Variants in TLE2 observed in about 807,000 individuals in gnomAD.
TLE2 encodes the protein transducin-like enhancer protein 2.
A neutral mutation model predicts 97.2 loss-of-function variants in TLE2; 74 were observed. That is an observed-to-expected ratio of 0.76 (90% CI 0.63 to 0.92). The LOEUF (loss-of-function observed/expected upper bound fraction) is 0.92, where lower values mean the gene tolerates loss of function less well. TLE2 is among the 40% of genes least tolerant of loss of function. The pLI is 0.00. For synonymous variants in TLE2, 499 were observed against 432.1 expected, an observed-to-expected ratio of 1.15 and a Z score of -1.92; for missense variants, 1,038 against 1,008.7, an observed-to-expected ratio of 1.03 and a Z score of -0.39.
intron 8 of TLE2, among the ~76,000 whole-genome samples, chr19:3,017,441 TTTC>T (rs1270644826): frequency 1.1e-4 from 14 of 128,082 alleles, no homozygotes; most frequent in Non-Finnish European, 1.6e-4. Flanking sequence ...GGTTTTTTTT[TTTC>T]TTTCTTTCTT....
chr19:3,005,484 C>T lies in TLE2; in HGVS notation c.1849G>A (p.Asp617Asn). 1.9e-6 allele frequency: 3 copies of T among 1,613,852 alleles called. No individual in the cohort carries two copies. Among genetic ancestry groups the T allele is most frequent in the East Asian group, 2.2e-5 (1 of 44,884 alleles). The change falls in exon 17 of 20, where the codon GAC (aspartate) becomes AAC (asparagine). Residue 617 changes from aspartate (D) to asparagine (N), a missense_variant. Physicochemically the swap from Asp to Asn is conservative, Grantham distance 23. Transcript: ENST00000262953. ...TGCAGCTGGCGGCCCTCCCGCAGGT[C>T]CCAGCAGCGCACCGTGTTGTCCAGG... ...GGLDNTVRCWDLREGRQLQQH... is the reference protein window; with the variant it reads ...GGLDNTVRCWNLREGRQLQQH...
upstream of TLE2, among the ~76,000 whole-genome samples, chr19:3,047,407 T>C (rs1375035684): frequency 3.0e-5 from 3 of 100,980 alleles, no homozygotes; most frequent in African/African-American, 1.2e-4. Flanking sequence ...CCCCAAACCC[T>C]GCGGGGGCCT....
Position 3,019,351 on chromosome 19 carries a change from G to T in TLE2, c.482C>A (p.Ala161Asp), listed in dbSNP as rs760148646. 1 of 1,566,070 alleles carries T rather than the reference G, an allele frequency of 6.4e-7. No homozygotes were observed. The highest frequency in any genetic ancestry group is 1.8e-5 in the Admixed American group (1 of 55,264). Reference protein sequence around the residue: ...TGLLALSGALAAQAQLAAAVK... With the variant: ...TGLLALSGALDAQAQLAAAVK... Reference sequence around the variant, plus strand: ...AGCCGCCGCCAGCTGAGCCTGGGCAGCCAGGGCTCCAGACAGAGCAAGCAG... The same window carrying T: ...AGCCGCCGCCAGCTGAGCCTGGGCATCCAGGGCTCCAGACAGAGCAAGCAG... Residue 161 changes from alanine to aspartate, a missense_variant, in exon 7 of 20, where the codon GCT becomes GAT. Ala to Asp is a moderately radical substitution (Grantham distance 126). Transcript: ENST00000262953. This position sits in a 1 kb window ranked among gnomAD's most constrained non-coding sequence, Gnocchi z 5.1.
Position 3,028,986 on chromosome 19 carries a change from G to C in TLE2, c.-82C>G. The C allele has an allele frequency of 6.4e-7, 1 of 1,558,438 alleles. No homozygotes were observed. Among genetic ancestry groups the C allele is most frequent in the South Asian group, 1.2e-5 (1 of 83,798 alleles). On this transcript the variant is annotated 5_prime_UTR_variant, in exon 1 of 20. Coordinates refer to ENST00000262953, the MANE Select transcript of TLE2 (RefSeq NM_003260.5). Reference sequence around the variant, plus strand: ...CAAGAGTGGGGGAGGCTGAAGTGGGGTGGTGGGGAGGCTGCCCGAAGAAAG... The same window carrying C: ...CAAGAGTGGGGGAGGCTGAAGTGGGCTGGTGGGGAGGCTGCCCGAAGAAAG...
Position 3,009,702 on chromosome 19 carries a change from G to T in TLE2, c.1013C>A (p.Ala338Asp), listed in dbSNP as rs1248710537. 1.2e-6 allele frequency: 2 copies of T among 1,609,444 alleles called. No individual in the cohort carries two copies. Among genetic ancestry groups the T allele is most frequent in the East Asian group, 4.5e-5 (2 of 44,802 alleles). Residue 338 changes from alanine to aspartate, a missense_variant and splice_region_variant, in exon 13 of 20, where the codon GCC (alanine) becomes GAC (aspartate). Coordinates refer to ENST00000262953, the MANE Select transcript of TLE2 (RefSeq NM_003260.5). ...AKPAPSTDSV[A>D]LRSPLTLSSP... The stretch of plus-strand genomic sequence containing the variant: ...GGACAGAGTCAGGGGGCTCCTCAGG[G>T]CTGAGACGGAAGAGTCGGGGACAGG...
intron 1 of TLE2, among the ~76,000 whole-genome samples, chr19:3,037,596 G>A (rs567684061): frequency 2.2e-4 from 34 of 152,172 alleles, no homozygotes; most frequent in Non-Finnish European, 3.1e-4. Flanking sequence ...AAGTCACAGT[G>A]GGTTCTGACC....
intron 4 of TLE2, among the ~76,000 whole-genome samples, chr19:3,026,362 C>T (rs1054714375): frequency 1.9e-4 from 29 of 150,422 alleles, no homozygotes; most frequent in African/African-American, 6.1e-4. Context: ...GCAGGAGAGG[C>T]GCTTGCACTC....
chr19:3,010,837 C>A (rs960998377), intron 12 of TLE2, among the ~76,000 whole-genome samples, 185 bp downstream of exon 12: 2 of 152,176 alleles, frequency 1.3e-5, no homozygotes, highest in African/African-American at 4.8e-5. Flanking sequence ...GTTTCCCTAC[C>A]CGCCGAGCTG....
At chr19:3,017,935 C>T (rs1036996251) in intron 7 of TLE2, 76 bp from the exon 8 acceptor site, 32 of 1,424,472 alleles carry the variant, frequency 2.2e-5, no homozygotes, top group Admixed American at 1.9e-5. Context: ...CCAGAGGGTA[C>T]AGCCCTCCAG....
chr19:3,045,278 G>A (rs1233269722), intron 1 of TLE2, among the ~76,000 whole-genome samples: 2 of 152,314 alleles, frequency 1.3e-5, no homozygotes, highest in East Asian at 3.9e-4. Flanking sequence ...AGTAGGAACA[G>A]CGTGTTCCAG....
chr19:3,000,744 G>T, intron 18 of TLE2, 21 bp from the exon 19 acceptor site: 1 of 1,567,030 alleles, frequency 6.4e-7, no homozygotes, highest in East Asian at 2.4e-5. Context: ...GAGAGCAGCA[G>T]GGTTCAAGGA....
At chr19:3,018,323 A>T (rs566899058) in intron 7 of TLE2, among the ~76,000 whole-genome samples, 18 of 148,884 alleles carry the variant, frequency 1.2e-4, no homozygotes, top group Admixed American at 1.1e-3. Context: ...TTTATTTATG[A>T]ATGAGACAGA....
At chr19:3,009,934 G>C (rs1482467449) in intron 12 of TLE2, among the ~76,000 whole-genome samples, 1 of 151,152 alleles carries the variant, frequency 6.6e-6, no homozygotes, top group African/African-American at 2.4e-5. Flanking sequence ...CGCCAGGCTG[G>C]AGTTCAGTGG....
chr19:3,019,253 A>T lies in TLE2; in HGVS notation c.550+30T>A. 6.4e-7 allele frequency: 1 copy of T among 1,558,994 alleles called. No homozygotes were observed. On this transcript the variant is annotated intron_variant, in intron 7 of 19. Coordinates refer to ENST00000262953, the MANE Select transcript of TLE2 (RefSeq NM_003260.5). The surrounding 1 kb of genome is among the most constrained non-coding windows in gnomAD (Gnocchi z 5.1). ...TCGTCCTCCCCAGCCCCGTCTCCCC[A>T]GCCAATGCCACCCCGTGCTGCCCAC...
intron 4 of TLE2, among the ~76,000 whole-genome samples, chr19:3,027,267 CCA>C (rs2089963333): frequency 6.6e-6 from 1 of 152,258 alleles, no homozygotes; most frequent in Non-Finnish European, 1.5e-5. Flanking sequence ...CTGAAGACAG[CCA>C]CAGAGTTTTG....
intron 10 of TLE2, among the ~76,000 whole-genome samples, chr19:3,014,068 C>T (rs934882127): frequency 1.7e-4 from 26 of 151,738 alleles, no homozygotes; most frequent in African/African-American, 5.3e-4. Context: ...TGGGTTCAAG[C>T]GAGCACATCC....
Position 3,019,756 on chromosome 19 carries a change from G to A in TLE2, c.312C>T (p.Leu104=). 1 of 1,613,164 alleles carries A rather than the reference G, an allele frequency of 6.2e-7. No individual in the cohort carries two copies. The highest frequency in any genetic ancestry group is 8.5e-7 in the Non-Finnish European group (1 of 1,179,660). Residue 104 remains leucine, a synonymous_variant, in exon 6 of 20, where the codon CTC becomes CTT. Transcript: ENST00000262953. The surrounding 1 kb of genome is among the most constrained non-coding windows in gnomAD (Gnocchi z 5.1). ...CCTGCTTGGCGCGTTCTACGGCCTG[G>A]AGCACCTGCTGCTGATGCTGGCGGG... is the stretch of plus-strand genomic sequence containing the variant. ...FLTQEHQQQV[L]QAVERAKQVT...
At chr19:3,009,485 C>T (rs752739714) in intron 13 of TLE2, 57 bp downstream of exon 13, 49 of 1,516,724 alleles carry the variant, frequency 3.2e-5, no homozygotes, top group Middle Eastern at 4.6e-4. Context: ...TTTCTCCTCC[C>T]GGCCCCCAGC....
chr19:3,014,598 T>C lies in TLE2; in HGVS notation c.695A>G (p.Lys232Arg). ...PSGPYESDED[K>R]SDYNLVVDED... ...GTCCACCACCAGATTGTAATCACTC[T>C]TGTCTTCGTCGCTTTCCTGGGGGAA... The change falls in exon 10 of 20, where the codon AAG (lysine) becomes AGG (arginine). Residue 232 changes from lysine (K) to arginine (R), a missense_variant. Physicochemically the swap from Lys to Arg is conservative, Grantham distance 26. Coordinates refer to ENST00000262953, the MANE Select transcript of TLE2 (RefSeq NM_003260.5). The C allele has an allele frequency of 6.3e-7, 1 of 1,590,460 alleles. No individual in the cohort carries two copies.
Sources: allele counts gnomAD v4.1 joint callset (sites outside exome capture counted in the v4.1 genomes callset), GRCh38; gene constraint gnomAD v4.1.1; non-coding constraint Gnocchi (gnomAD v3.1); transcripts MANE v1.5; gene names NCBI Gene and HGNC (gene_info 2026-07-23, HGNC 2026-07-21).